Variants in SRGAP3 observed in about 807,000 individuals in gnomAD.
SRGAP3 encodes the protein SLIT-ROBO Rho GTPase activating protein 3.
In SRGAP3, 39 loss-of-function variants were observed where a neutral mutation model predicts 121.1. The observed-to-expected ratio is 0.32, with a 90% CI of 0.25 to 0.42. The LOEUF is 0.42. Among genes scored for constraint, SRGAP3 ranks in the 10% least tolerant of loss-of-function variants. The pLI is 1.00. For synonymous variants in SRGAP3, 601 were observed against 570.0 expected, an observed-to-expected ratio of 1.05 and a Z score of -0.77; for missense variants, 1,213 against 1,470.6, an observed-to-expected ratio of 0.82 and a Z score of 2.86.
At chr3:9,261,875 T>TA (rs1559248968) in intron 3 of SRGAP3, among the ~76,000 whole-genome samples, 24 of 78,528 alleles carry the variant, frequency 3.1e-4, no homozygotes, top group Non-Finnish European at 7.3e-4. Flanking sequence ...CCTCATATAT[T>TA]TAAAAAAAAA....
chr3:9,219,294 T>C (rs954795), intron 1 of SRGAP3: 1 of 151,866 alleles, frequency 6.6e-6, no homozygotes, highest in Non-Finnish European at 1.5e-5. Flanking sequence ...TCTGAGGTGG[T>C]CAGCCCCTTA....
intron 1 of SRGAP3, among the ~76,000 whole-genome samples, chr3:9,158,101 G>A (rs1025860276): frequency 1.1e-4 from 16 of 152,202 alleles, no homozygotes; most frequent in African/African-American, 3.9e-4. Context: ...TGCTCCAGGA[G>A]CCTGCTCGGG....
chr3:9,177,977 T>C (rs766510900), intron 1 of SRGAP3, among the ~76,000 whole-genome samples: 12 of 152,084 alleles, frequency 7.9e-5, no homozygotes, highest in Non-Finnish European at 1.8e-4. Flanking sequence ...CTGAAGAAGG[T>C]AAGCCTGGGG....
rs77944715 is a variant in SRGAP3 at position 9,259,381 on chromosome 3, C to G, written n.442+66629G>C. On this transcript the variant is annotated intron_variant and non_coding_transcript_variant, in intron 3 of 3. Transcript: ENST00000490889. ...GCAGCCTGGACTTCCTGGGCTCAAG[C>G]GATCCTCCCCTTTCAGCCTCCCAAG... 2.2e-4 allele frequency among the ~76,000 whole-genome samples: 33 copies of G among 152,202 alleles called. 1 individual carries two copies. The highest frequency in any genetic ancestry group is 1.8e-3 in the Admixed American group (27 of 15,284).
At chr3:9,047,287 G>A in intron 10 of SRGAP3, 104 bp downstream of exon 10, 1 of 1,181,130 alleles carries the variant, frequency 8.5e-7, no homozygotes, top group Non-Finnish European at 1.2e-6. Flanking sequence ...ATTCTGCCAG[G>A]TGCCTGCTGT....
At chr3:9,150,365 T>C (rs1004174064) in intron 1 of SRGAP3, among the ~76,000 whole-genome samples, 4 of 151,872 alleles carry the variant, frequency 2.6e-5, no homozygotes, top group African/African-American at 7.3e-5. Flanking sequence ...AAAGGGAGCC[T>C]GGAGAGGCCA....
intron 1 of SRGAP3, among the ~76,000 whole-genome samples, chr3:9,188,111 G>A (rs975391354): frequency 9.9e-5 from 15 of 152,132 alleles, no homozygotes; most frequent in African/African-American, 2.7e-4. Context: ...CTTACCAAAC[G>A]TGCATTTTTC....
intron 4 of SRGAP3, among the ~76,000 whole-genome samples, chr3:9,067,855 A>G (rs1037871077): frequency 6.6e-6 from 1 of 152,180 alleles, no homozygotes; most frequent in Admixed American, 6.5e-5. Context: ...TCTTGGTGGA[A>G]CTGGCATACA....
At position 9,249,369 on chromosome 3, in the gene SRGAP3, TAC is replaced by T. The variant is rs373527995; in HGVS notation, c.-420_-419del. ...CACAGTTGTGCTGTGCACACAGGCA[TAC>T]ACACACACACCCTCACACGCACACA... is the stretch of plus-strand genomic sequence containing the variant. On this transcript the variant is annotated 5_prime_UTR_variant, in exon 1 of 22. An upstream open reading frame in the 5' UTR loses its in-frame stop. Coordinates refer to ENST00000383836, the MANE Select transcript of SRGAP3 (RefSeq NM_014850.4). 381 of 361,776 alleles carry T rather than the reference TAC, an allele frequency of 1.1e-3. No individual in the cohort carries two copies. The highest frequency in any genetic ancestry group is 4.1e-3 in the Middle Eastern group (5 of 1,228). 22.4% of individuals were successfully genotyped at this position (361,776 alleles called of 1,614,324 possible). A position where few individuals can be genotyped will look rare whatever the true frequency, so the allele number is the denominator to read the frequency against.
At chr3:9,096,887 T>TA (rs1448366650) in intron 3 of SRGAP3, among the ~76,000 whole-genome samples, 1 of 141,578 alleles carries the variant, frequency 7.1e-6, no homozygotes, top group Non-Finnish European at 1.5e-5. Flanking sequence ...ATATAATATA[T>TA]TATTATATAT....
intron 1 of SRGAP3, among the ~76,000 whole-genome samples, chr3:9,244,868 T>A (rs930898396): frequency 1.3e-5 from 2 of 152,218 alleles, no homozygotes; most frequent in Non-Finnish European, 2.9e-5. Flanking sequence ...TTTCATTTTC[T>A]TCTCTCTGAC....
At chr3:9,000,400 G>A (rs1942683859) in intron 18 of SRGAP3, among the ~76,000 whole-genome samples, 1 of 152,178 alleles carries the variant, frequency 6.6e-6, no homozygotes, top group South Asian at 2.1e-4. Flanking sequence ...GCACTCAGTG[G>A]GGACATCACT....
At chr3:9,053,910 G>C (rs968866693) in intron 8 of SRGAP3, among the ~76,000 whole-genome samples, 1 of 152,152 alleles carries the variant, frequency 6.6e-6, no homozygotes, top group African/African-American at 2.4e-5. Flanking sequence ...TTGCTCTGGA[G>C]GCTGGTTCCA....
chr3:9,251,158 G>C (rs1251021271), upstream of SRGAP3, among the ~76,000 whole-genome samples: 1 of 151,588 alleles, frequency 6.6e-6, no homozygotes, highest in Non-Finnish European at 1.5e-5. Flanking sequence ...AGGCGGGGCA[G>C]GATGTTCTCC....
intron 1 of SRGAP3, among the ~76,000 whole-genome samples, chr3:9,352,418 C>A (rs2596925): frequency 0.14 from 21,322 of 151,840 alleles, 2,178 homozygotes; most frequent in East Asian, 0.36. Flanking sequence ...GGATTACAGG[C>A]ACGCATCACT....
intron 1 of SRGAP3, among the ~76,000 whole-genome samples, chr3:9,180,803 G>C (rs1205851172): frequency 1.3e-5 from 2 of 152,022 alleles, no homozygotes; most frequent in African/African-American, 4.8e-5. Flanking sequence ...AGTTGAACAT[G>C]GCATCAGGAG....
chr3:9,121,490 C>A (rs967165507), intron 2 of SRGAP3, among the ~76,000 whole-genome samples: 1 of 152,172 alleles, frequency 6.6e-6, no homozygotes, highest in African/African-American at 2.4e-5. Flanking sequence ...CTTCCAGAAG[C>A]GGAGACGGCT....
chr3:8,990,444 C>G, intron 21 of SRGAP3, 68 bp downstream of exon 21: 1 of 1,539,228 alleles, frequency 6.5e-7, no homozygotes, highest in African/African-American at 1.4e-5. Flanking sequence ...GCTCCCCGCT[C>G]CACGGATTCC....
exon 3 of SRGAP3, chr3:9,326,052 G>A (rs1286874760): frequency 6.6e-6 from 1 of 151,766 alleles, no homozygotes; most frequent in Non-Finnish European, 1.5e-5. Flanking sequence ...AGTGTGGAGG[G>A]ACCTTTCTCA....
Sources: gnomAD v4.1 joint callset for allele counts (sites outside exome capture counted in the v4.1 genomes callset) on GRCh38, gnomAD v4.1.1 for gene constraint, MANE v1.5 for transcripts, NCBI Gene and HGNC (gene_info 2026-07-23, HGNC 2026-07-21) for gene names.